ADCK5: variants seen among roughly 807,000 people sequenced by gnomAD.
ADCK5 encodes the protein aarF domain containing kinase 5, also known as uncharacterized aarF domain-containing protein kinase 5.
ADCK5 carries 43 observed loss-of-function variants against 64.9 expected under a neutral mutation model. The ratio of observed to expected loss-of-function variants is 0.66; its 90% CI spans 0.52 to 0.85. The LOEUF (loss-of-function observed/expected upper bound fraction) is 0.85. Among genes scored for constraint, ADCK5 ranks in the 40% least tolerant of loss-of-function variants. The pLI is 0.00. For missense variants in ADCK5, 760 were observed against 810.5 expected (o/e 0.94, Z 0.76); for synonymous variants, 434 against 342.8 (o/e 1.27, Z -2.94).
chr8:144,384,272 G>C lies in ADCK5; in HGVS notation c.266+1042G>C, dbSNP rs1379599688. 1.3e-5 allele frequency among the ~76,000 whole-genome samples: 2 copies of C among 152,070 alleles called. No homozygotes were observed. Among genetic ancestry groups the C allele is most frequent in the Non-Finnish European group, 2.9e-5 (2 of 68,008 alleles). On this transcript the variant is annotated intron_variant, in intron 3 of 14. Transcript: ENST00000308860. The surrounding 1 kb of genome is among the most constrained non-coding windows in gnomAD (Gnocchi z 5.7). ...AAGGAGGCAGGGAGGGTGTGGTCCTGTTCTGCCTGCCTCCGAGCATCTGCC... is the reference window on the plus strand; with the variant it reads ...AAGGAGGCAGGGAGGGTGTGGTCCTCTTCTGCCTGCCTCCGAGCATCTGCC...
intron 1 of ADCK5, among the ~76,000 whole-genome samples, chr8:144,375,257 G>A (rs959543387): frequency 1.3e-5 from 2 of 152,206 alleles, no homozygotes; most frequent in Non-Finnish European, 2.9e-5. Flanking sequence ...GGGTCCAGGC[G>A]GCGTTTGAGG....
intron 1 of ADCK5, among the ~76,000 whole-genome samples, chr8:144,378,365 C>T (rs1819458351): frequency 6.6e-6 from 1 of 152,102 alleles, no homozygotes; most frequent in African/African-American, 2.4e-5. Context: ...GGGCAGATTC[C>T]CCCTTGCTGT....
chr8:144,392,669 G>T lies in ADCK5; in HGVS notation c.1492G>T (p.Val498Leu). ...TATCAACGTGGCCCTCGGCGCCCCC[G>T]TGGACCGCTACTTCCTTATGGCTAA... The part of the protein sequence containing the change: ...RAINVALGAP[V>L]DRYFLMAKRA... The change falls in exon 13 of 15, where the codon GTG becomes TTG. Residue 498 changes from valine to leucine, a missense_variant. This residue lies in a region of ADCK5 where 333 missense variants were observed against 292.0 expected (regional missense o/e 1.14). Transcript: ENST00000308860. 1 of 1,594,768 alleles carries T rather than the reference G, an allele frequency of 6.3e-7. No homozygotes were observed. The highest frequency in any genetic ancestry group is 1.8e-4 in the Middle Eastern group (1 of 5,696).
At position 144,390,710 on chromosome 8, in the gene ADCK5, G is replaced by A; in HGVS notation, c.306G>A (p.Trp102Ter). 6.2e-7 allele frequency: 1 copy of A among 1,613,956 alleles called. No homozygotes were observed. Among genetic ancestry groups the A allele is most frequent in the Non-Finnish European group, 8.5e-7 (1 of 1,180,002 alleles). Reference protein sequence around the residue: ...KVGLQISLDYWWCTNVVLRGV... With the variant: ...KVGLQISLDY ...GCCTGCAGATCTCCCTGGACTACTG[G>A]TGGTGCACCAATGTTGTCCTTCGAG... is the stretch of plus-strand genomic sequence containing the variant. The change falls in exon 4 of 15, where the codon TGG becomes TGA. Residue 102 changes from tryptophan to a stop codon, truncating the protein, a stop_gained. Coordinates refer to ENST00000308860, the MANE Select transcript of ADCK5 (RefSeq NM_174922.5). LOFTEE classifies it high-confidence loss of function.
intron 2 of ADCK5, 75 bp from the exon 3 acceptor site, chr8:144,383,006 G>T: frequency 6.5e-7 from 1 of 1,539,392 alleles, no homozygotes; most frequent in Non-Finnish European, 8.8e-7. Flanking sequence ...GTGGTGCTGG[G>T]GGAGGTGGGG....
intron 1 of ADCK5, chr8:144,377,330 C>T (rs1258093406): frequency 6.6e-6 from 1 of 152,140 alleles, no homozygotes; most frequent in African/African-American, 2.4e-5. Context: ...TCAAGAGTCT[C>T]ATGGTGGGGC....
chr8:144,390,456 G>C (rs1564675452), intron 3 of ADCK5, among the ~76,000 whole-genome samples: 2 of 152,214 alleles, frequency 1.3e-5, no homozygotes, highest in Non-Finnish European at 2.9e-5. Flanking sequence ...AGCTGAGACT[G>C]ACCTGCAGGG....
chr8:144,390,664 C>T lies in ADCK5; in HGVS notation c.267-7C>T. ...CCGCTGGAGACTGAGGCCACCTCTGCCCGCAGGTCTCTGAAGGTCGGCCTG... is the reference window on the plus strand; with the variant it reads ...CCGCTGGAGACTGAGGCCACCTCTGTCCGCAGGTCTCTGAAGGTCGGCCTG... On this transcript the variant is annotated splice_polypyrimidine_tract_variant and splice_region_variant and intron_variant, in intron 3 of 14. Transcript: ENST00000308860. 1 of 1,613,046 alleles carries T rather than the reference C, an allele frequency of 6.2e-7. No homozygotes were observed.
In ADCK5 at chr8:144,391,842, G is replaced by A. The variant is rs1820248600; in HGVS notation, c.990G>A (p.Arg330=). 2.5e-6 allele frequency: 4 copies of A among 1,572,220 alleles called. No individual in the cohort carries two copies. Among genetic ancestry groups the A allele is most frequent in the Admixed American group, 1.8e-5 (1 of 56,452 alleles). Reference sequence around the variant, plus strand: ...AGGTCAACGATGTGGAGGCCATCAGGAGCCAGGGGCTGGCAGTGCATGACG... The same window carrying A: ...AGGTCAACGATGTGGAGGCCATCAGAAGCCAGGGGCTGGCAGTGCATGACG... ...GCKVNDVEAI[R]SQGLAVHDIA... The change falls in exon 9 of 15, where the codon AGG becomes AGA. Residue 330 remains arginine (R), a synonymous_variant. Coordinates refer to ENST00000308860, the MANE Select transcript of ADCK5 (RefSeq NM_174922.5).
intron 2 of ADCK5, among the ~76,000 whole-genome samples, chr8:144,380,084 G>A (rs971630417): frequency 2.6e-5 from 4 of 152,382 alleles, no homozygotes; most frequent in Admixed American, 1.3e-4. Context: ...TGGGACAGAT[G>A]CGGCCAGCTA....
intron 3 of ADCK5, among the ~76,000 whole-genome samples, chr8:144,385,729 C>T (rs1476668104): frequency 1.2e-4 from 18 of 151,566 alleles, no homozygotes; most frequent in Admixed American, 9.8e-4. Context: ...TTTGGGAGGC[C>T]GAGGTGGGTG....
rs781862475 is a variant in ADCK5, at chr8:144,391,172, C to G, written c.582C>G (p.Pro194=). 2.5e-6 allele frequency: 4 copies of G among 1,612,086 alleles called. No individual in the cohort carries two copies. The highest frequency in any genetic ancestry group is 3.4e-6 in the Non-Finnish European group (4 of 1,180,020). ...TCCTTGAGGACTTCCAGGCCCTCCC[C>G]CACGAGCTCTTCCAGGAGTTTGACT... ...ELFLEDFQAL[P]HELFQEFDYQ... is the part of the protein sequence containing the mutation. Residue 194 remains proline, a synonymous_variant, in exon 6 of 15, where the codon CCC becomes CCG. Coordinates refer to ENST00000308860, the MANE Select transcript of ADCK5 (RefSeq NM_174922.5).
In ADCK5 at chr8:144,378,935, CT is replaced by C. The variant is rs138817440; in HGVS notation, c.13-439del. Among the ~76,000 whole-genome samples, 221 of 142,832 alleles carry C rather than the reference CT, an allele frequency of 1.5e-3. 1 individual carries two copies. Among genetic ancestry groups the C allele is most frequent in the East Asian group, 3.3e-3 (16 of 4,866 alleles). The allele number at this position is 142,832 out of a possible 152,430, so 93.7% of individuals were successfully genotyped here. A position where few individuals can be genotyped will look rare whatever the true frequency, so the allele number is the denominator to read the frequency against. ...ATTACCCAGTCTTGCTTGGGTAGTT[CT>C]TTTTTTTTTTTTCTTGAGATGGAGT... On this transcript the variant is annotated intron_variant, in intron 1 of 14. Coordinates refer to ENST00000308860, the MANE Select transcript of ADCK5 (RefSeq NM_174922.5).
chr8:144,373,093 C>T (rs1390803694), upstream of ADCK5: 1 of 152,544 alleles, frequency 6.6e-6, no homozygotes, highest in Non-Finnish European at 1.5e-5. Flanking sequence ...CTCCCACTTT[C>T]AGCTACTGTG....
At position 144,392,681 on chromosome 8, in the gene ADCK5, T is replaced by G. The variant is rs1554861461; in HGVS notation, c.1504T>G (p.Phe502Val). The G allele has an allele frequency of 6.3e-7, 1 of 1,596,826 alleles. No individual in the cohort carries two copies. The highest frequency in any genetic ancestry group is 8.5e-7 in the Non-Finnish European group (1 of 1,172,442). Residue 502 changes from phenylalanine (F) to valine (V), a missense_variant, in exon 13 of 15, where the codon TTC becomes GTC. Coordinates refer to ENST00000308860, the MANE Select transcript of ADCK5 (RefSeq NM_174922.5). ...VALGAPVDRYFLMAKRAVRGW... is the reference protein window; with the variant it reads ...VALGAPVDRYVLMAKRAVRGW... ...CCTCGGCGCCCCCGTGGACCGCTACTTCCTTATGGCTAAAAGGTCGGTGGC... is the reference window on the plus strand; with the variant it reads ...CCTCGGCGCCCCCGTGGACCGCTACGTCCTTATGGCTAAAAGGTCGGTGGC...
At position 144,392,898 on chromosome 8, in the gene ADCK5, T is replaced by A; in HGVS notation, c.1637+6T>A. On this transcript the variant is annotated splice_donor_region_variant and intron_variant, in intron 14 of 14. Coordinates refer to ENST00000308860, the MANE Select transcript of ADCK5 (RefSeq NM_174922.5). Reference sequence around the variant, plus strand: ...AAGTTTGAAGTGGCGCTCAGGTGAGTGGCCGCGGGGCAGGTGGGTGGCGGG... The same window carrying A: ...AAGTTTGAAGTGGCGCTCAGGTGAGAGGCCGCGGGGCAGGTGGGTGGCGGG... The A allele has an allele frequency of 6.2e-7, 1 of 1,600,338 alleles. No homozygotes were observed. Among genetic ancestry groups the A allele is most frequent in the Admixed American group, 1.7e-5 (1 of 58,648 alleles).
At chr8:144,377,904 G>A (rs538324999) in intron 1 of ADCK5, among the ~76,000 whole-genome samples, 1 of 152,306 alleles carries the variant, frequency 6.6e-6, no homozygotes, top group African/African-American at 2.4e-5. Flanking sequence ...CTGGCCACTG[G>A]TCAGTGGTCT....
chr8:144,393,014 T>G lies in ADCK5; in HGVS notation c.1683T>G (p.Ala561=). 6.3e-7 allele frequency: 1 copy of G among 1,591,646 alleles called. No homozygotes were observed. Among genetic ancestry groups the G allele is most frequent in the Non-Finnish European group, 8.5e-7 (1 of 1,172,614 alleles). Residue 561 remains alanine, a synonymous_variant, in exon 15 of 15, where the codon GCT becomes GCG. Transcript: ENST00000308860. ...AMRLTALLAR[A]LVHLSLVPPA... The stretch of plus-strand genomic sequence containing the variant: ...GGCTGACCGCCCTCCTGGCTCGTGC[T>G]CTGGTCCACCTGAGCCTCGTGCCCC...
rs782770837 is a variant in ADCK5 at position 144,376,023 on chromosome 8, C to T, written c.12+1916C>T. Among the ~76,000 whole-genome samples, 1 of 152,188 alleles carries T rather than the reference C, an allele frequency of 6.6e-6. No individual in the cohort carries two copies. Among genetic ancestry groups the T allele is most frequent in the East Asian group, 1.9e-4 (1 of 5,204 alleles). On this transcript the variant is annotated intron_variant, in intron 1 of 14. Transcript: ENST00000308860. The surrounding 1 kb of genome is among the most constrained non-coding windows in gnomAD (Gnocchi z 5.1). ...CTTCTGGGAGATGCAGCTGCAGGCTCGCCCCCCAACCCATAACCTCTCTGG... is the reference window on the plus strand; with the variant it reads ...CTTCTGGGAGATGCAGCTGCAGGCTTGCCCCCCAACCCATAACCTCTCTGG...
Sources: gnomAD v4.1 joint callset for allele counts (sites outside exome capture counted in the v4.1 genomes callset) on GRCh38, gnomAD v4.1.1 for gene constraint, gnomAD v4.1.1 regional missense constraint, Gnocchi (gnomAD v3.1) non-coding constraint, MANE v1.5 for transcripts, NCBI Gene and HGNC (gene_info 2026-07-23, HGNC 2026-07-21) for gene names.